NEO1: variants seen among roughly 807,000 people sequenced by gnomAD.
NEO1 encodes the protein neogenin 1.
In NEO1, 63 loss-of-function variants were observed where a neutral mutation model predicts 159.7. The observed-to-expected ratio is 0.39, with a 90% CI of 0.32 to 0.49. NEO1 has a LOEUF of 0.49. Ranked by LOEUF, NEO1 falls within the 20% of genes least tolerant of loss-of-function variation. The probability of loss-of-function intolerance (pLI) is 0.85; values close to 1 mark genes in which losing one functional copy is unlikely to be tolerated. For synonymous variants in NEO1, 633 were observed against 662.0 expected, an observed-to-expected ratio of 0.96 and a Z score of 0.67; for missense variants, 1,615 against 1,831.0, an observed-to-expected ratio of 0.88 and a Z score of 2.15.
chr15:73,182,184 A>G (rs746847039), intron 7 of NEO1, among the ~76,000 whole-genome samples: 6 of 152,126 alleles, frequency 3.9e-5, no homozygotes, highest in African/African-American at 7.2e-5. Context: ...ACCCACCCCT[A>G]TAATTCAATC....
intron 7 of NEO1, among the ~76,000 whole-genome samples, chr15:73,190,490 CT>C (rs2036180870): frequency 6.6e-6 from 1 of 152,044 alleles, no homozygotes; most frequent in Non-Finnish European, 1.5e-5. Context: ...ATCCCCCACC[CT>C]TTTTTTGACA....
At chr15:73,152,077 A>G (rs2033415966) in intron 5 of NEO1, among the ~76,000 whole-genome samples, 1 of 152,218 alleles carries the variant, frequency 6.6e-6, no homozygotes, top group African/African-American at 2.4e-5. Context: ...AAATAAATAC[A>G]TAAATACATG....
rs1318197515 is a variant in NEO1, at chr15:73,052,790, G to A, written c.115G>A (p.Ala39Thr). ...CGCCGCGGCCGCCAGGAGCGGCTCCGCGCCGCAGTCCCCAGGTAAGCGGCG... is the reference window on the plus strand; with the variant it reads ...CGCCGCGGCCGCCAGGAGCGGCTCCACGCCGCAGTCCCCAGGTAAGCGGCG... ...PGAAAARSGS[A>T]PQSPGASIRT... Residue 39 changes from alanine (A) to threonine (T), a missense_variant, in exon 1 of 29, where the codon GCG becomes ACG. This residue lies in a region of NEO1 where 1,018 missense variants were observed against 1,115.4 expected (regional missense o/e 0.91). Transcript: ENST00000261908. The A allele has an allele frequency of 3.5e-5, 39 of 1,107,652 alleles. No homozygotes were observed. Among genetic ancestry groups the A allele is most frequent in the Non-Finnish European group, 4.2e-5 (38 of 899,690 alleles). The allele number at this position is 1,107,652 out of a possible 1,614,324, so 68.6% of individuals were successfully genotyped here. A position where few individuals can be genotyped will look rare whatever the true frequency, so the allele number is the denominator to read the frequency against.
intron 15 of NEO1, 42 bp downstream of exon 15, chr15:73,260,507 C>T: frequency 7.0e-7 from 1 of 1,431,016 alleles, no homozygotes; most frequent in East Asian, 2.4e-5. Context: ...GTGGGAGATT[C>T]CTTTCTTTTT....
chr15:73,235,812 A>G (rs766191145), intron 7 of NEO1, among the ~76,000 whole-genome samples: 22 of 152,236 alleles, frequency 1.4e-4, no homozygotes, highest in Non-Finnish European at 2.6e-4. Flanking sequence ...CTCTGCAGTG[A>G]AGTCACAATA....
At chr15:73,078,034 T>C (rs1270112119) in intron 1 of NEO1, among the ~76,000 whole-genome samples, 2 of 152,256 alleles carry the variant, frequency 1.3e-5, no homozygotes, top group East Asian at 1.9e-4. Context: ...ATTGGTGATA[T>C]GGGCAACAGA....
At chr15:73,105,845 T>G (rs1409419395) in intron 1 of NEO1, among the ~76,000 whole-genome samples, 1 of 152,220 alleles carries the variant, frequency 6.6e-6, no homozygotes. Context: ...GTTGTCCCAC[T>G]ACTGTTAATA....
At chr15:73,090,857 A>G (rs900386381) in intron 1 of NEO1, among the ~76,000 whole-genome samples, 2 of 152,184 alleles carry the variant, frequency 1.3e-5, no homozygotes, top group African/African-American at 4.8e-5. Context: ...TTTTTGTTAC[A>G]ATATAGTATC....
chr15:73,070,739 GT>G (rs2068491437), intron 1 of NEO1, among the ~76,000 whole-genome samples: 1 of 152,018 alleles, frequency 6.6e-6, no homozygotes, highest in Admixed American at 6.6e-5. Flanking sequence ...AACTAGAACA[GT>G]TATGACATAT....
chr15:73,091,084 G>A (rs978474866), intron 1 of NEO1, among the ~76,000 whole-genome samples: 3 of 152,146 alleles, frequency 2.0e-5, no homozygotes, highest in Non-Finnish European at 4.4e-5. Flanking sequence ...TTGAACCCAC[G>A]CTCTTATCCA....
chr15:73,187,663 G>A (rs2036007570), intron 7 of NEO1, among the ~76,000 whole-genome samples: 1 of 152,176 alleles, frequency 6.6e-6, no homozygotes, highest in Non-Finnish European at 1.5e-5. Flanking sequence ...ACAAATATGT[G>A]TAGCTGTGTT....
At chr15:73,221,789 A>G (rs1161178282) in intron 7 of NEO1, 2 of 156,732 alleles carry the variant, frequency 1.3e-5, no homozygotes, top group East Asian at 3.7e-4. Context: ...AGAAAAGCGC[A>G]GTATTCAGGT....
intron 5 of NEO1, among the ~76,000 whole-genome samples, chr15:73,141,163 A>G (rs934517661): frequency 1.3e-5 from 2 of 152,220 alleles, no homozygotes; most frequent in Non-Finnish European, 2.9e-5. Context: ...CCCATAATTG[A>G]AAGCATTTAT....
intron 5 of NEO1, among the ~76,000 whole-genome samples, chr15:73,164,568 C>T (rs1267867030): frequency 1.3e-5 from 2 of 152,148 alleles, no homozygotes; most frequent in African/African-American, 4.8e-5. Flanking sequence ...TGTTGAATAG[C>T]TTCATCAATA....
intron 7 of NEO1, among the ~76,000 whole-genome samples, chr15:73,213,291 C>T (rs1010486469): frequency 1.3e-5 from 2 of 151,864 alleles, no homozygotes; most frequent in Non-Finnish European, 2.9e-5. Flanking sequence ...TTCATTTTTC[C>T]GTAAGTTATT....
At chr15:73,125,618 C>G (rs950547277) in intron 3 of NEO1, among the ~76,000 whole-genome samples, 16 of 152,156 alleles carry the variant, frequency 1.1e-4, no homozygotes, top group African/African-American at 2.9e-4. Context: ...TGTCAAAACT[C>G]AATATTAAGT....
chr15:73,114,240 G>A (rs1332796444), intron 1 of NEO1, among the ~76,000 whole-genome samples: 3 of 152,124 alleles, frequency 2.0e-5, no homozygotes, highest in African/African-American at 7.2e-5. Flanking sequence ...GGAGCGGTGG[G>A]GAACTGACTG....
At chr15:73,160,496 G>T (rs911977333) in intron 5 of NEO1, among the ~76,000 whole-genome samples, 2 of 152,050 alleles carry the variant, frequency 1.3e-5, no homozygotes, top group Non-Finnish European at 2.9e-5. Context: ...GAGAGCTCAG[G>T]ACCACCAGAC....
chr15:73,202,335 T>C (rs2036946516), intron 7 of NEO1, among the ~76,000 whole-genome samples: 1 of 152,150 alleles, frequency 6.6e-6, no homozygotes, highest in South Asian at 2.1e-4. Flanking sequence ...TAATCACTAA[T>C]ACATGAAGAT....
Sources: gnomAD v4.1 joint callset for allele counts (sites outside exome capture counted in the v4.1 genomes callset) on GRCh38, gnomAD v4.1.1 for gene constraint, gnomAD v4.1.1 regional missense constraint, MANE v1.5 for transcripts, NCBI Gene and HGNC (gene_info 2026-07-23, HGNC 2026-07-21) for gene names.